LARP4B: variants seen among roughly 807,000 people sequenced by gnomAD.
LARP4B encodes the protein La ribonucleoprotein 4B, also known as la-related protein 4B.
Under a neutral mutation model 89.8 loss-of-function variants are expected in LARP4B, and 12 were observed. The observed-to-expected ratio is 0.13, with a 90% CI of 0.09 to 0.22. LARP4B has a LOEUF of 0.22. LARP4B is among the 10% of genes least tolerant of loss of function. The pLI is 1.00. For missense variants in LARP4B, 757 were observed against 947.7 expected (o/e 0.80, Z 2.64); for synonymous variants, 367 against 363.3 (o/e 1.01, Z -0.12).
intron 1 of LARP4B, among the ~76,000 whole-genome samples, chr10:908,412 G>A (rs1405157728): frequency 6.6e-6 from 1 of 152,190 alleles, no homozygotes; most frequent in Non-Finnish European, 1.5e-5. Context: ...ACTTGTGTGA[G>A]TCTGTCAAGC....
chr10:885,462 T>C (rs553030225), intron 2 of LARP4B, among the ~76,000 whole-genome samples, 179 bp downstream of exon 2: 3 of 152,250 alleles, frequency 2.0e-5, no homozygotes, highest in Non-Finnish European at 4.4e-5. Flanking sequence ...GTTGCAGGGG[T>C]CTCAGCCATG....
At position 812,986 on chromosome 10, in the gene LARP4B, G is replaced by C. The variant is rs1189402870; in HGVS notation, c.2157C>G (p.Pro719=). Residue 719 remains proline, a synonymous_variant, in exon 18 of 18, where the codon CCC becomes CCG. Coordinates refer to ENST00000316157, the MANE Select transcript of LARP4B (RefSeq NM_015155.3). ...QRRPAGGRPS[P]SAMGKRLSRE... is the part of the protein sequence containing the mutation. ...GGCTGAGACGCTTCCCCATGGCCGAGGGCGAGGGCCGGCCCCCCGCCGGCC... is the reference window on the plus strand; with the variant it reads ...GGCTGAGACGCTTCCCCATGGCCGACGGCGAGGGCCGGCCCCCCGCCGGCC... 8 of 1,581,618 alleles carry C rather than the reference G, an allele frequency of 5.1e-6. No homozygotes were observed. Among genetic ancestry groups the C allele is most frequent in the African/African-American group, 1.4e-5 (1 of 72,592 alleles).
chr10:842,889 C>T, intron 7 of LARP4B, 43 bp downstream of exon 7: 1 of 1,582,954 alleles, frequency 6.3e-7, no homozygotes, highest in East Asian at 2.2e-5. Flanking sequence ...AAGACAAATA[C>T]TCTAAGGACA....
intron 12 of LARP4B, 60 bp from the exon 13 acceptor site, chr10:825,376 T>C: frequency 1.3e-6 from 2 of 1,522,864 alleles, no homozygotes; most frequent in Non-Finnish European, 1.8e-6. Flanking sequence ...TTACATAACA[T>C]GCATACTGAC....
chr10:960,167 C>G, the LARP4B span, among the ~76,000 whole-genome samples: 32 of 152,044 alleles, frequency 2.1e-4, no homozygotes, highest in Non-Finnish European at 3.8e-4. Context: ...AACGACAGAA[C>G]GTTTTGGAAA....
chr10:864,558 C>T (rs899879868), intron 3 of LARP4B, among the ~76,000 whole-genome samples: 14 of 152,112 alleles, frequency 9.2e-5, no homozygotes, highest in Non-Finnish European at 4.4e-5. Context: ...ACAAACTATA[C>T]CTGAGGAATA....
chr10:829,785 G>C, intron 9 of LARP4B, 51 bp from the exon 10 acceptor site: 1 of 1,303,964 alleles, frequency 7.7e-7, no homozygotes, highest in Non-Finnish European at 1.1e-6. Flanking sequence ...TTATGAATAA[G>C]AGGCACCAAT....
intron 1 of LARP4B, among the ~76,000 whole-genome samples, chr10:906,564 G>T (rs1406953362): frequency 6.8e-6 from 1 of 147,974 alleles, no homozygotes; most frequent in East Asian, 1.9e-4. Context: ...GTGTGCAAAG[G>T]AGTCTACCTC....
chr10:972,318 G>A, the LARP4B span: 9 of 371,654 alleles, frequency 2.4e-5, no homozygotes, highest in East Asian at 3.5e-4. Flanking sequence ...GTGAGCAACC[G>A]CACCCAGCCT....
At chr10:887,516 G>T (rs534145013) in intron 1 of LARP4B, among the ~76,000 whole-genome samples, 6 of 151,732 alleles carry the variant, frequency 4.0e-5, no homozygotes, top group Non-Finnish European at 8.8e-5. Flanking sequence ...TTCGAGACCA[G>T]CCTGGCCAAC....
At chr10:972,448 T>A in the LARP4B span, 1 of 448,898 alleles carries the variant, frequency 2.2e-6, no homozygotes, top group Non-Finnish European at 4.5e-6. Flanking sequence ...TCCTTATGTA[T>A]TACCCAGTCT....
chr10:898,643 T>C (rs1244206663), intron 1 of LARP4B, among the ~76,000 whole-genome samples: 1 of 152,242 alleles, frequency 6.6e-6, no homozygotes, highest in East Asian at 1.9e-4. Context: ...AGGTAATTCT[T>C]TTCTGGTACG....
At chr10:958,629 G>T in the LARP4B span, among the ~76,000 whole-genome samples, 1 of 152,286 alleles carries the variant, frequency 6.6e-6, no homozygotes, top group Admixed American at 6.5e-5. Context: ...ATCCTTCTTT[G>T]TTAGCACAAA....
At position 831,390 on chromosome 10, in the gene LARP4B, A is replaced by G. The variant is rs531488999; in HGVS notation, c.751-413T>C. Among the ~76,000 whole-genome samples, 187 of 152,220 alleles carry G rather than the reference A, an allele frequency of 1.2e-3. 1 individual carries two copies. The highest frequency in any genetic ancestry group is 1.2e-3 in the Non-Finnish European group (82 of 68,020). ...TCCCAGATGACTCAATTAAAAAACC[A>G]AAGACAAAATACATGAAGAACAGTT... On this transcript the variant is annotated intron_variant, in intron 8 of 17. Coordinates refer to ENST00000316157, the MANE Select transcript of LARP4B (RefSeq NM_015155.3).
At chr10:855,846 CA>C (rs1005533822) in intron 5 of LARP4B, among the ~76,000 whole-genome samples, 3 of 152,220 alleles carry the variant, frequency 2.0e-5, no homozygotes, top group African/African-American at 7.2e-5. Context: ...ACAATCCAAG[CA>C]GTGCACTACT....
intron 7 of LARP4B, among the ~76,000 whole-genome samples, chr10:842,414 T>A (rs1362651892): frequency 6.6e-6 from 1 of 151,984 alleles, no homozygotes. Flanking sequence ...GCCAAGACAG[T>A]CTCAATCTCC....
intron 6 of LARP4B, among the ~76,000 whole-genome samples, chr10:844,659 G>A (rs1161502611): frequency 6.6e-6 from 1 of 152,060 alleles, no homozygotes; most frequent in Admixed American, 6.6e-5. Flanking sequence ...AGTGTCTGGT[G>A]TGCTTTCAGA....
chr10:925,820 C>T (rs1186178259), intron 1 of LARP4B, among the ~76,000 whole-genome samples: 2 of 152,206 alleles, frequency 1.3e-5, no homozygotes, highest in African/African-American at 4.8e-5. Flanking sequence ...AGGCGTGAAT[C>T]AAAGTGCCTG....
At chr10:854,110 A>G (rs1046048298) in intron 5 of LARP4B, among the ~76,000 whole-genome samples, 7 of 152,234 alleles carry the variant, frequency 4.6e-5, no homozygotes, top group African/African-American at 1.7e-4. Flanking sequence ...ATAAGAAGCA[A>G]GTTTTACACA....
Sources: gnomAD v4.1 joint callset for allele counts (sites outside exome capture counted in the v4.1 genomes callset) on GRCh38, gnomAD v4.1.1 for gene constraint, MANE v1.5 for transcripts, NCBI Gene and HGNC (gene_info 2026-07-23, HGNC 2026-07-21) for gene names.